DIS3L2: variants seen among roughly 807,000 people sequenced by gnomAD.
DIS3L2 encodes DIS3 like 3'-5' exoribonuclease 2, also known as DIS3-like exonuclease 2.
DIS3L2 carries 34 observed loss-of-function variants against 97.5 expected under a neutral mutation model. The ratio of observed to expected loss-of-function variants is 0.35; its 90% CI spans 0.27 to 0.46. DIS3L2 has a LOEUF of 0.46. DIS3L2 is among the 20% of genes least tolerant of loss of function. The probability of loss-of-function intolerance (pLI) is 1.00; values close to 1 mark genes in which losing one functional copy is unlikely to be tolerated. For synonymous variants in DIS3L2, 435 were observed against 445.2 expected, an observed-to-expected ratio of 0.98 and a Z score of 0.29; for missense variants, 1,038 against 1,146.0, an observed-to-expected ratio of 0.91 and a Z score of 1.36.
intron 5 of DIS3L2, among the ~76,000 whole-genome samples, chr2:232,069,741 A>G (rs529934246): frequency 1.3e-5 from 2 of 152,284 alleles, no homozygotes; most frequent in East Asian, 1.9e-4. Flanking sequence ...GTATCCTTGC[A>G]TCCTTCATCC....
At chr2:231,991,719 G>T (rs1693589471) in intron 1 of DIS3L2, among the ~76,000 whole-genome samples, 1 of 152,194 alleles carries the variant, frequency 6.6e-6, no homozygotes, top group South Asian at 2.1e-4. Context: ...AAATTCTCCT[G>T]TTATCAAGAA....
chr2:232,113,116 T>C (rs1697588988), intron 6 of DIS3L2, among the ~76,000 whole-genome samples: 1 of 152,088 alleles, frequency 6.6e-6, no homozygotes, highest in African/African-American at 2.4e-5. Flanking sequence ...AGACTTGTCA[T>C]TAGAAAGGGG....
intron 9 of DIS3L2, among the ~76,000 whole-genome samples, chr2:232,174,277 C>T (rs1691081755): frequency 6.6e-6 from 1 of 151,744 alleles, no homozygotes; most frequent in Non-Finnish European, 1.5e-5. Context: ...TATCTGGTAT[C>T]CTGCAACCTT....
intron 11 of DIS3L2, among the ~76,000 whole-genome samples, chr2:232,247,618 G>GGGC (rs1693291174): frequency 3.2e-5 from 1 of 31,702 alleles, no homozygotes; most frequent in African/African-American, 1.2e-4. Context: ...AACTGCCGCG[G>GGGC]GGGGGGGGGG....
intron 9 of DIS3L2, among the ~76,000 whole-genome samples, chr2:232,188,395 A>G (rs1691507040): frequency 6.6e-6 from 1 of 152,090 alleles, no homozygotes; most frequent in Non-Finnish European, 1.5e-5. Flanking sequence ...CAATAACAGA[A>G]CAGAATAGAG....
intron 9 of DIS3L2, among the ~76,000 whole-genome samples, chr2:232,208,756 C>T (rs918488126): frequency 1.3e-5 from 2 of 152,054 alleles, no homozygotes; most frequent in Non-Finnish European, 2.9e-5. Flanking sequence ...GGTTGGGCAT[C>T]GTAGCTCACA....
At chr2:232,266,852 A>G (rs537764493) in intron 13 of DIS3L2, among the ~76,000 whole-genome samples, 3 of 152,190 alleles carry the variant, frequency 2.0e-5, no homozygotes, top group Non-Finnish European at 4.4e-5. Flanking sequence ...TCAATTAGAG[A>G]TGAGTCTGTG....
intron 12 of DIS3L2, among the ~76,000 whole-genome samples, chr2:232,262,552 C>G (rs1443009288): frequency 6.6e-6 from 1 of 152,194 alleles, no homozygotes; most frequent in Non-Finnish European, 1.5e-5. Flanking sequence ...GGGAGAGGTG[C>G]TCCTGACATC....
At chr2:232,250,677 A>G (rs1693392295) in intron 12 of DIS3L2, among the ~76,000 whole-genome samples, 1 of 152,178 alleles carries the variant, frequency 6.6e-6, no homozygotes, top group Non-Finnish European at 1.5e-5. Flanking sequence ...TAGACAGGGT[A>G]AAGTAAGAGG....
rs191803525 is a variant in DIS3L2 at position 231,998,063 on chromosome 2, T to C, written c.-93-16772T>C. Among the ~76,000 whole-genome samples, 5 of 152,326 alleles carry C rather than the reference T, an allele frequency of 3.3e-5. No individual in the cohort carries two copies. The East Asian group carries it at 9.6e-4, about 29-fold the overall frequency. On this transcript the variant is annotated intron_variant, in intron 1 of 20. Coordinates refer to ENST00000325385, the MANE Select transcript of DIS3L2 (RefSeq NM_152383.5). ...AACATTTTTGAAGATTATAGGCCAG[T>C]TATACAACAGGGACAGTTTTTAGCA...
Position 232,334,460 on chromosome 2 carries a change from G to A in DIS3L2, c.2250G>A (p.Gln750=), listed in dbSNP as rs1380712115. The part of the protein sequence containing the change: ...NDRRMASKRV[Q]ELSTSLFFAV... ...GCCGCATGGCGTCCAAGCGCGTGCA[G>A]GAGCTCAGTACCAGTCTCTTCTTTG... The change falls in exon 18 of 21, where the codon CAG becomes CAA. Residue 750 remains glutamine (Q), a synonymous_variant. Transcript: ENST00000325385. 1 of 1,613,952 alleles carries A rather than the reference G, an allele frequency of 6.2e-7. No individual in the cohort carries two copies. Among genetic ancestry groups the A allele is most frequent in the East Asian group, 2.2e-5 (1 of 44,878 alleles).
chr2:232,106,387 A>G (rs1323891523), intron 6 of DIS3L2, among the ~76,000 whole-genome samples: 1 of 152,190 alleles, frequency 6.6e-6, no homozygotes, highest in Non-Finnish European at 1.5e-5. Context: ...AAGCAAATGG[A>G]AAACAGAAGA....
chr2:232,163,693 G>A (rs879529098), intron 9 of DIS3L2, 61 bp downstream of exon 9: 1 of 1,528,460 alleles, frequency 6.5e-7, no homozygotes. Context: ...TTTCCTAGGG[G>A]CTAGGCTTAG....
chr2:232,193,129 C>T (rs143409690), intron 9 of DIS3L2, among the ~76,000 whole-genome samples: 1 of 152,212 alleles, frequency 6.6e-6, no homozygotes. Flanking sequence ...TCCTTTGTCC[C>T]AATTTCCAAA....
chr2:231,985,733 T>A (rs1693393123), intron 1 of DIS3L2, among the ~76,000 whole-genome samples: 1 of 152,268 alleles, frequency 6.6e-6, no homozygotes, highest in Non-Finnish European at 1.5e-5. Context: ...ACTACATCCT[T>A]ACTCCCACAT....
intron 13 of DIS3L2, among the ~76,000 whole-genome samples, chr2:232,289,507 A>T (rs181739896): frequency 6.6e-6 from 1 of 152,318 alleles, no homozygotes; most frequent in East Asian, 1.9e-4. Flanking sequence ...TCCTGACTTC[A>T]GGTGATCCAC....
chr2:232,060,107 T>G (rs1158842412), intron 5 of DIS3L2, among the ~76,000 whole-genome samples: 1 of 152,182 alleles, frequency 6.6e-6, no homozygotes, highest in Non-Finnish European at 1.5e-5. Context: ...ATCTGCGAAA[T>G]AGTTTGCAGA....
chr2:232,335,166 A>T (rs1259764027), intron 19 of DIS3L2: 2 of 199,430 alleles, frequency 1.0e-5, no homozygotes, highest in Non-Finnish European at 2.1e-5. Context: ...CCAAGGGGAC[A>T]TGGGCCTGTC....
downstream of DIS3L2, chr2:232,340,678 T>C (rs755576992): frequency 2.6e-5 from 12 of 468,888 alleles, no homozygotes; most frequent in South Asian, 1.7e-4. Context: ...TCTCATTCCA[T>C]GACCAGGGAC....
Sources: gnomAD v4.1 joint callset for allele counts (sites outside exome capture counted in the v4.1 genomes callset) on GRCh38, gnomAD v4.1.1 for gene constraint, MANE v1.5 for transcripts, NCBI Gene and HGNC (gene_info 2026-07-23, HGNC 2026-07-21) for gene names.